Variants in VWA8 observed in about 807,000 individuals in gnomAD.
The protein encoded by VWA8 is von Willebrand factor A domain containing 8, also known as von Willebrand factor A domain-containing protein 8.
VWA8 carries 221 observed loss-of-function variants against 241.5 expected under a neutral mutation model. The observed-to-expected ratio is 0.91, with a 90% CI of 0.82 to 1.02. VWA8 has a LOEUF of 1.02. VWA8 is among the 50% of genes least tolerant of loss of function. The pLI is 0.00. For missense variants in VWA8, 2,322 were observed against 2,328.7 expected (o/e 1.00, Z 0.06); for synonymous variants, 852 against 827.1 (o/e 1.03, Z -0.52).
At chr13:41,889,266 C>G (rs1457653092) in intron 5 of VWA8, among the ~76,000 whole-genome samples, 1 of 152,092 alleles carries the variant, frequency 6.6e-6, no homozygotes, top group Non-Finnish European at 1.5e-5. Context: ...ATTCTATGAA[C>G]ACAGAAATAA....
chr13:41,656,138 GAT>G (rs1485449988), intron 37 of VWA8, among the ~76,000 whole-genome samples: 1 of 152,156 alleles, frequency 6.6e-6, no homozygotes, highest in Non-Finnish European at 1.5e-5. Flanking sequence ...ACTTGTTTCC[GAT>G]ATTGTGTCAG....
In VWA8 at chr13:41,775,908, G is replaced by C. The variant is rs73183375; in HGVS notation, c.2349+2077C>G. On this transcript the variant is annotated intron_variant, in intron 20 of 44. Coordinates refer to ENST00000379310, the MANE Select transcript of VWA8 (RefSeq NM_015058.2). ...ATTCTTCCTGTCTCTCTGGTTACTG[G>C]CTAGGCATTAACTTCAACCTTTTAA... Among the ~76,000 whole-genome samples the C allele has an allele frequency of 7.4e-3, 1,124 of 152,136 alleles. 11 individuals are homozygous for C. The highest frequency in any genetic ancestry group is 0.011 in the Non-Finnish European group (779 of 67,992).
intron 26 of VWA8, among the ~76,000 whole-genome samples, chr13:41,707,077 T>C (rs969237628): frequency 5.3e-5 from 8 of 152,228 alleles, no homozygotes; most frequent in African/African-American, 1.7e-4. Context: ...GAAAGGTGAG[T>C]ATCATAATTA....
intron 35 of VWA8, among the ~76,000 whole-genome samples, chr13:41,684,309 T>C (rs995236839): frequency 6.6e-6 from 1 of 152,046 alleles, no homozygotes; most frequent in African/African-American, 2.4e-5. Context: ...ATACAATGCA[T>C]ATAGACACAA....
intron 1 of VWA8, among the ~76,000 whole-genome samples, chr13:41,952,795 G>A (rs945031301): frequency 2.0e-5 from 3 of 151,914 alleles, no homozygotes; most frequent in Non-Finnish European, 1.5e-5. Flanking sequence ...CTGAAAGACA[G>A]TACATTCAAA....
chr13:41,765,979 T>C (rs926387910), intron 20 of VWA8, among the ~76,000 whole-genome samples: 1 of 152,196 alleles, frequency 6.6e-6, no homozygotes, highest in Non-Finnish European at 1.5e-5. Context: ...GATGACGTAC[T>C]GGCCAGAAGG....
chr13:41,788,607 G>T (rs890441308), intron 17 of VWA8, among the ~76,000 whole-genome samples: 3 of 152,150 alleles, frequency 2.0e-5, no homozygotes, highest in Admixed American at 6.6e-5. Context: ...TTTCGTCATA[G>T]TTCTTAGATC....
chr13:41,747,797 T>A (rs1317359010), intron 21 of VWA8, among the ~76,000 whole-genome samples: 1 of 152,218 alleles, frequency 6.6e-6, no homozygotes, highest in African/African-American at 2.4e-5. Context: ...ATTGAGAGTT[T>A]TTAGCATGAA....
intron 29 of VWA8, 103 bp downstream of exon 29, chr13:41,698,968 C>T: frequency 6.6e-7 from 1 of 1,515,834 alleles, no homozygotes; most frequent in African/African-American, 1.4e-5. Flanking sequence ...CAGCTCCTCT[C>T]CTTGATCATC....
chr13:41,896,203 T>A (rs952015274), intron 4 of VWA8, among the ~76,000 whole-genome samples: 16 of 152,006 alleles, frequency 1.1e-4, no homozygotes, highest in East Asian at 1.9e-4. Context: ...TGGAAAAAAA[T>A]TTTTTTTGCT....
intron 37 of VWA8, among the ~76,000 whole-genome samples, chr13:41,618,307 C>T (rs1342780045): frequency 3.9e-5 from 6 of 152,134 alleles, no homozygotes; most frequent in African/African-American, 1.4e-4. Flanking sequence ...TATCCTTTGC[C>T]CACTTTTTGA....
chr13:41,720,756 T>C (rs1255946600), intron 25 of VWA8, among the ~76,000 whole-genome samples: 4 of 152,176 alleles, frequency 2.6e-5, no homozygotes. Context: ...GGGTTGGGGA[T>C]AAGGCAGAGG....
chr13:41,665,673 A>C (rs150607965), intron 37 of VWA8, among the ~76,000 whole-genome samples: 3 of 152,186 alleles, frequency 2.0e-5, no homozygotes, highest in Admixed American at 6.5e-5. Context: ...ATTGCATTTC[A>C]CATTCAGGTT....
chr13:41,734,342 A>T (rs930241331), intron 21 of VWA8, among the ~76,000 whole-genome samples: 1 of 152,180 alleles, frequency 6.6e-6, no homozygotes, highest in African/African-American at 2.4e-5. Flanking sequence ...CGTCTAAAAA[A>T]AAACAAATGG....
At chr13:41,898,567 C>G (rs535663183) in intron 4 of VWA8, among the ~76,000 whole-genome samples, 1 of 152,250 alleles carries the variant, frequency 6.6e-6, no homozygotes, top group Non-Finnish European at 1.5e-5. Flanking sequence ...GCCAGTCCTG[C>G]GCCATGCGCT....
Position 41,670,860 on chromosome 13 carries a change from C to T in VWA8, c.4611+86G>A, listed in dbSNP as rs537550250. ...AAGCAACTATTTTTGAGTCACTGGC[C>T]CAGAAATTTTCATGACTGTGGCATC... On this transcript the variant is annotated intron_variant, in intron 37 of 44. Transcript: ENST00000379310. The T allele has an allele frequency of 2.9e-5, 43 of 1,497,178 alleles. No homozygotes were observed. In the African/African-American group the frequency reaches 4.4e-4, roughly 15 times the overall value. The allele number at this position is 1,497,178 out of a possible 1,614,324, so 92.7% of individuals were successfully genotyped here. A position where few individuals can be genotyped will look rare whatever the true frequency, so the allele number is the denominator to read the frequency against.
intron 40 of VWA8, among the ~76,000 whole-genome samples, chr13:41,600,224 T>G (rs545312949): frequency 6.6e-6 from 1 of 152,130 alleles, no homozygotes; most frequent in African/African-American, 2.4e-5. Context: ...GGGTTTTCAA[T>G]ATGTAAAGGT....
chr13:41,851,559 T>A (rs1872534189), intron 12 of VWA8, among the ~76,000 whole-genome samples: 1 of 152,314 alleles, frequency 6.6e-6, no homozygotes, highest in African/African-American at 2.4e-5. Context: ...ATAAGTCTCA[T>A]AAGATCTGAT....
intron 30 of VWA8, 22 bp from the exon 31 acceptor site, chr13:41,691,960 T>C: frequency 6.6e-7 from 1 of 1,521,682 alleles, no homozygotes; most frequent in Non-Finnish European, 9.1e-7. Context: ...CAAAACAAGA[T>C]ATTCATATTA....
Sources: allele counts gnomAD v4.1 joint callset (sites outside exome capture counted in the v4.1 genomes callset), GRCh38; gene constraint gnomAD v4.1.1; transcripts MANE v1.5; gene names NCBI Gene and HGNC (gene_info 2026-07-23, HGNC 2026-07-21).